Variants in SOS2 observed in about 807,000 individuals in gnomAD.
SOS2 encodes the protein SOS Ras/Rho guanine nucleotide exchange factor 2.
In SOS2, 65 loss-of-function variants were observed where a neutral mutation model predicts 148.2. The observed-to-expected ratio is 0.44, with a 90% CI of 0.36 to 0.54. The LOEUF (loss-of-function observed/expected upper bound fraction) is 0.54, where lower values mean the gene tolerates loss of function less well. Among genes scored for constraint, SOS2 ranks in the 20% least tolerant of loss-of-function variants. The pLI, the probability that SOS2 is intolerant of heterozygous loss-of-function variation, is 0.00. For missense variants in SOS2, 1,341 were observed against 1,590.2 expected, an observed-to-expected ratio of 0.84 and a Z score of 2.67; for synonymous variants, 539 against 537.1, an observed-to-expected ratio of 1.00 and a Z score of -0.05.
chr14:50,146,689 A>G (rs897712254), intron 14 of SOS2, among the ~76,000 whole-genome samples: 3 of 152,054 alleles, frequency 2.0e-5, no homozygotes, highest in Non-Finnish European at 2.9e-5. Context: ...AAACGTTTAC[A>G]AGAATATTCA....
chr14:50,199,696 C>G lies in SOS2; in HGVS notation c.505G>C (p.Asp169His). ...QQDIKVSMCA[D>H]KVLMDMFDQD... is the part of the protein sequence containing the mutation. ...AAATACCTTGTAACACTTACCTTATCCGCACACATTGACACTTTAATGTCC... is the reference window on the plus strand; with the variant it reads ...AAATACCTTGTAACACTTACCTTATGCGCACACATTGACACTTTAATGTCC... The change falls in exon 4 of 23, where the codon GAT becomes CAT. Residue 169 changes from aspartate to histidine, a missense_variant. Physicochemically the swap from Asp to His is moderately conservative, Grantham distance 81. Transcript: ENST00000216373. The G allele has an allele frequency of 6.3e-7, 1 of 1,594,686 alleles. No homozygotes were observed. Among genetic ancestry groups the G allele is most frequent in the Non-Finnish European group, 8.6e-7 (1 of 1,168,964 alleles).
rs996681199 is a variant in SOS2, at chr14:50,224,410, GAA to G, written c.87+6785_87+6786del. On this transcript the variant is annotated intron_variant, in intron 1 of 22. Coordinates refer to ENST00000216373, the MANE Select transcript of SOS2 (RefSeq NM_006939.4). ...GGGAGGTCAGAAGGATGTGGTCACA[GAA>G]AGATGAGGAGGAATCAAGGGAAGGG... Among the ~76,000 whole-genome samples, 7 of 149,664 alleles carry G rather than the reference GAA, an allele frequency of 4.7e-5. 1 individual carries two copies. Among genetic ancestry groups the G allele is most frequent in the African/African-American group, 1.7e-4 (7 of 40,340 alleles).
chr14:50,128,121 AAAG>A (rs1176341454), intron 21 of SOS2, among the ~76,000 whole-genome samples: 1 of 152,222 alleles, frequency 6.6e-6, no homozygotes, highest in African/African-American at 2.4e-5. Flanking sequence ...GCATATCAAG[AAAG>A]AAGATGAGGA....
chr14:50,166,038 T>C (rs770347371), intron 8 of SOS2, among the ~76,000 whole-genome samples: 1 of 152,158 alleles, frequency 6.6e-6, no homozygotes, highest in Non-Finnish European at 1.5e-5. Context: ...CACTGGTCTG[T>C]GTCTAAATCT....
At chr14:50,193,666 CA>C (rs1279522312) in intron 4 of SOS2, among the ~76,000 whole-genome samples, 1 of 151,994 alleles carries the variant, frequency 6.6e-6, no homozygotes, top group Non-Finnish European at 1.5e-5. Context: ...CTCTAGATAT[CA>C]GTTTGGATAT....
intron 19 of SOS2, 57 bp downstream of exon 19, chr14:50,134,066 T>C (rs1487464631): frequency 9.1e-6 from 8 of 876,296 alleles, no homozygotes; most frequent in African/African-American, 5.0e-5. Context: ...TTGTTAAACA[T>C]TGAAAATAAT....
intron 14 of SOS2, among the ~76,000 whole-genome samples, chr14:50,149,357 T>A (rs529383992): frequency 6.6e-6 from 1 of 152,248 alleles, no homozygotes; most frequent in African/African-American, 2.4e-5. Flanking sequence ...GCAACATGGA[T>A]GAGCCCGGAG....
intron 7 of SOS2, among the ~76,000 whole-genome samples, chr14:50,175,428 C>CTTTTTTTTTT (rs71441277): frequency 8.3e-6 from 1 of 119,868 alleles, no homozygotes; most frequent in Admixed American, 8.9e-5. Flanking sequence ...AGGAGTAATA[C>CTTTTTTTTTT]TTTTTTTTTT....
intron 16 of SOS2, among the ~76,000 whole-genome samples, chr14:50,141,948 AC>A: frequency 6.6e-6 from 1 of 152,170 alleles, no homozygotes; most frequent in Non-Finnish European, 1.5e-5. Context: ...AGAGAGACCA[AC>A]AAAAGGCCTA....
Position 50,145,370 on chromosome 14 carries a change from T to C in SOS2, c.2505-38A>G. 6 of 1,572,022 alleles carry C rather than the reference T, an allele frequency of 3.8e-6. 1 individual carries two copies. Among genetic ancestry groups the C allele is most frequent in the South Asian group, 3.6e-5 (3 of 83,134 alleles). On this transcript the variant is annotated intron_variant, in intron 15 of 22. Coordinates refer to ENST00000216373, the MANE Select transcript of SOS2 (RefSeq NM_006939.4). The stretch of plus-strand genomic sequence containing the variant: ...AAAATTCATGGCTTAGAAAAGTTTC[T>C]TCACCTCACTTAGAAAACAAGATAA...
chr14:50,147,814 G>A (rs938782378), intron 14 of SOS2, among the ~76,000 whole-genome samples: 6 of 152,148 alleles, frequency 3.9e-5, no homozygotes, highest in Admixed American at 2.6e-4. Context: ...TGTATACAGT[G>A]AGTCAGAATA....
Position 50,157,126 on chromosome 14 carries a change from G to A in SOS2, c.1935-5C>T. On this transcript the variant is annotated splice_polypyrimidine_tract_variant and splice_region_variant and intron_variant, in intron 11 of 22. Coordinates refer to ENST00000216373, the MANE Select transcript of SOS2 (RefSeq NM_006939.4). ...TCTGGCTCTGGAATTTCAAACCTAA[G>A]AAGAAAAGCAAAAGGAGAAAAATCC... The A allele has an allele frequency of 1.2e-6, 2 of 1,607,730 alleles. No homozygotes were observed. Among genetic ancestry groups the A allele is most frequent in the Non-Finnish European group, 1.7e-6 (2 of 1,177,174 alleles).
In SOS2 at chr14:50,153,085, T is replaced by G. The variant is rs770726372; in HGVS notation, c.2146A>C (p.Ile716Leu). The change falls in exon 13 of 23, where the codon ATT becomes CTT. Residue 716 changes from isoleucine to leucine, a missense_variant. Coordinates refer to ENST00000216373, the MANE Select transcript of SOS2 (RefSeq NM_006939.4). Reference protein sequence around the residue: ...LELLERLESFISSVRGKAMKK... With the variant: ...LELLERLESFLSSVRGKAMKK... ...TATAATATACCTCTTACACTTGAAA[T>G]GAAGGATTCTAGTCTTTCAAGCAAT... 7.7e-6 allele frequency: 12 copies of G among 1,560,262 alleles called. 1 individual carries two copies. In the South Asian group the frequency reaches 1.3e-4, roughly 18 times the overall value.
chr14:50,174,409 T>C (rs769941835), intron 8 of SOS2, 45 bp downstream of exon 8: 2 of 1,017,222 alleles, frequency 2.0e-6, no homozygotes, highest in African/African-American at 1.6e-5. Context: ...AAAAGTAAAC[T>C]CTTCTATTAG....
At chr14:50,122,390 GCTTTTT>G (rs1883541808) in intron 21 of SOS2, among the ~76,000 whole-genome samples, 1 of 60,556 alleles carries the variant, frequency 1.7e-5, no homozygotes, top group Admixed American at 2.3e-4. Flanking sequence ...AGAACCCTGG[GCTTTTT>G]TTTTTTTTTT....
rs757839909 is a variant in SOS2, at chr14:50,150,248, A to G, written c.2162-18T>C. ...AGCTTTCCCTGGAAAAAGAACACAT[A>G]AAGAAAAATGTCTTTTACTTGACAG... On this transcript the variant is annotated intron_variant, in intron 13 of 22. Coordinates refer to ENST00000216373, the MANE Select transcript of SOS2 (RefSeq NM_006939.4). 1 of 1,479,636 alleles carries G rather than the reference A, an allele frequency of 6.8e-7. No homozygotes were observed. Among genetic ancestry groups the G allele is most frequent in the East Asian group, 2.3e-5 (1 of 44,260 alleles). The allele number at this position is 1,479,636 out of a possible 1,614,324, so 91.7% of individuals were successfully genotyped here.
intron 21 of SOS2, among the ~76,000 whole-genome samples, chr14:50,124,596 G>A (rs1030779791): frequency 6.6e-6 from 1 of 152,140 alleles, no homozygotes; most frequent in African/African-American, 2.4e-5. Context: ...ATGGGGATAA[G>A]TAATGTGCCT....
At chr14:50,170,377 A>T (rs1479814333) in intron 8 of SOS2, among the ~76,000 whole-genome samples, 1 of 152,160 alleles carries the variant, frequency 6.6e-6, no homozygotes, top group Non-Finnish European at 1.5e-5. Context: ...TTATAACATA[A>T]TTCTTATATC....
At chr14:50,225,232 G>C (rs1887332900) in intron 1 of SOS2, among the ~76,000 whole-genome samples, 1 of 152,156 alleles carries the variant, frequency 6.6e-6, no homozygotes, top group Non-Finnish European at 1.5e-5. Context: ...TAGGATTACA[G>C]GCATGAGCTA....
Sources: allele counts gnomAD v4.1 joint callset (sites outside exome capture counted in the v4.1 genomes callset), GRCh38; gene constraint gnomAD v4.1.1; transcripts MANE v1.5; gene names NCBI Gene and HGNC (gene_info 2026-07-23, HGNC 2026-07-21).